The following RARB variants were observed in gnomAD, a reference collection of about 807,000 sequenced individuals.
RARB encodes the protein retinoic acid receptor beta, also known as HBV-activated protein.
RARB carries 17 observed loss-of-function variants against 51.9 expected under a neutral mutation model. The ratio of observed to expected loss-of-function variants is 0.33; its 90% confidence interval spans 0.22 to 0.49. RARB has a LOEUF of 0.49. Ranked by LOEUF, RARB falls within the 20% of genes least tolerant of loss-of-function variation. RARB has a pLI of 0.99. For synonymous variants in RARB, 215 were observed against 195.4 expected, an observed-to-expected ratio of 1.10 and a Z score of -0.84; for missense variants, 369 against 550.8, an observed-to-expected ratio of 0.67 and a Z score of 3.30.
chr3:25,052,552 G>GA (rs1698353029), intron 2 of RARB, among the ~76,000 whole-genome samples: 1 of 152,046 alleles, frequency 6.6e-6, no homozygotes, highest in Non-Finnish European at 1.5e-5. Flanking sequence ...AAATGTACAA[G>GA]AAAAAACTAA....
chr3:24,958,702 G>A (rs1696076331), intron 2 of RARB, among the ~76,000 whole-genome samples: 1 of 152,186 alleles, frequency 6.6e-6, no homozygotes, highest in Non-Finnish European at 1.5e-5. Context: ...GAGTCCTGGA[G>A]TTTGTAAAAT....
chr3:25,295,992 C>T (rs977226), intron 5 of RARB, among the ~76,000 whole-genome samples: 130,331 of 152,204 alleles, frequency 0.86, 56,178 homozygotes, highest in East Asian at 1. Context: ...CTCAAAAGTG[C>T]ATCTTGTTGG....
intron 2 of RARB, among the ~76,000 whole-genome samples, chr3:25,006,960 A>G (rs1165468993): frequency 6.6e-6 from 1 of 152,176 alleles, no homozygotes; most frequent in African/African-American, 2.4e-5. Context: ...GTAATAATCC[A>G]CAGTATTATG....
At chr3:25,066,980 T>G (rs1452192012) in intron 3 of RARB, among the ~76,000 whole-genome samples, 3 of 152,160 alleles carry the variant, frequency 2.0e-5, no homozygotes, top group Non-Finnish European at 2.9e-5. Context: ...TCAGTTCCAG[T>G]CAGCAGTTAA....
intron 7 of RARB, among the ~76,000 whole-genome samples, chr3:25,595,641 A>T (rs1169228268): frequency 6.6e-6 from 1 of 152,246 alleles, no homozygotes; most frequent in African/African-American, 2.4e-5. Context: ...AATAATCTGT[A>T]CTGTCCAGTT....
chr3:25,480,751 G>A (rs1294573951), intron 2 of RARB, among the ~76,000 whole-genome samples: 2 of 152,098 alleles, frequency 1.3e-5, no homozygotes, highest in Non-Finnish European at 2.9e-5. Context: ...GGGAGGGCAG[G>A]GCAGGTAAGT....
At chr3:25,444,649 T>A (rs1309521498) in intron 1 of RARB, among the ~76,000 whole-genome samples, 1 of 152,226 alleles carries the variant, frequency 6.6e-6, no homozygotes, top group Non-Finnish European at 1.5e-5. Context: ...CTTTTGCTAT[T>A]ATTTTGAACT....
intron 2 of RARB, among the ~76,000 whole-genome samples, chr3:25,031,740 A>G (rs1697881026): frequency 6.6e-6 from 1 of 152,198 alleles, no homozygotes; most frequent in South Asian, 2.1e-4. Context: ...AATGTCAGCT[A>G]TTTTGTGTTA....
intron 5 of RARB, among the ~76,000 whole-genome samples, chr3:25,419,621 G>A (rs1289877344): frequency 4.6e-5 from 7 of 152,166 alleles, no homozygotes; most frequent in South Asian, 2.1e-4. Context: ...ATGAAAACCC[G>A]AGGACCTTGA....
Position 25,378,702 on chromosome 3 carries a change from G to C in RARB, c.179-82491G>C, listed in dbSNP as rs537439185. ...CCGTCTCCAAATGTTTTAAGGGCTT[G>C]AGATTAGAGAATTAAAGGAAAACAC... On this transcript the variant is annotated intron_variant, in intron 5 of 11. Transcript: ENST00000383772. Among the ~76,000 whole-genome samples the C allele has an allele frequency of 2.0e-5, 3 of 152,252 alleles. No homozygotes were observed. In the South Asian group the frequency reaches 6.2e-4, roughly 32 times the overall value.
chr3:24,994,539 C>T (rs1696980864), intron 2 of RARB, among the ~76,000 whole-genome samples: 1 of 151,968 alleles, frequency 6.6e-6, no homozygotes, highest in African/African-American at 2.4e-5. Context: ...GTTGTCTGTG[C>T]TTTTCAGGTC....
intron 5 of RARB, among the ~76,000 whole-genome samples, chr3:25,245,892 G>A (rs943047217): frequency 2.0e-5 from 3 of 152,040 alleles, no homozygotes; most frequent in Non-Finnish European, 4.4e-5. Context: ...AAGTTCTCCT[G>A]GATAATATCC....
At chr3:25,353,036 G>T (rs1055529476) in intron 5 of RARB, among the ~76,000 whole-genome samples, 2 of 152,174 alleles carry the variant, frequency 1.3e-5, no homozygotes, top group African/African-American at 4.8e-5. Flanking sequence ...CCTCTTATGT[G>T]CCAAGTAATA....
intron 1 of RARB, among the ~76,000 whole-genome samples, chr3:25,437,711 GTTTTTC>G (rs1708492784): frequency 6.6e-6 from 1 of 152,140 alleles, no homozygotes; most frequent in South Asian, 2.1e-4. Context: ...CGGGCGTGAA[GTTTTTC>G]TGTGTGCAGG....
intron 3 of RARB, among the ~76,000 whole-genome samples, chr3:25,109,032 T>C (rs1699556655): frequency 6.6e-6 from 1 of 152,148 alleles, no homozygotes; most frequent in Admixed American, 6.6e-5. Context: ...TGATAACATC[T>C]TGGATGTGAT....
At chr3:25,128,439 A>C (rs1699894675) in intron 3 of RARB, among the ~76,000 whole-genome samples, 1 of 148,754 alleles carries the variant, frequency 6.7e-6, no homozygotes, top group Admixed American at 6.7e-5. Flanking sequence ...TAAATTATTC[A>C]TATAATTTAT....
chr3:25,205,787 A>G (rs766285046), intron 5 of RARB, among the ~76,000 whole-genome samples: 1 of 151,660 alleles, frequency 6.6e-6, no homozygotes, highest in African/African-American at 2.4e-5. Flanking sequence ...CTGTTGCCCT[A>G]GCTGGAGTGC....
At chr3:25,518,154 C>T (rs965914983) in intron 3 of RARB, among the ~76,000 whole-genome samples, 2 of 151,978 alleles carry the variant, frequency 1.3e-5, no homozygotes, top group Admixed American at 6.6e-5. Context: ...TTTAAAAAAC[C>T]GATGATTTTA....
chr3:25,157,572 T>C (rs1164995825), intron 4 of RARB, among the ~76,000 whole-genome samples: 1 of 150,348 alleles, frequency 6.7e-6, no homozygotes, highest in African/African-American at 2.5e-5. Flanking sequence ...TAATTTTTTA[T>C]TTTTAGTAGA....
Sources: gnomAD v4.1 joint callset for allele counts (sites outside exome capture counted in the v4.1 genomes callset) on GRCh38, gnomAD v4.1.1 for gene constraint, MANE v1.5 for transcripts, NCBI Gene and HGNC (gene_info 2026-07-23, HGNC 2026-07-21) for gene names.